The following SCHIP1 variants were observed in gnomAD, a reference collection of about 807,000 sequenced individuals.
The protein encoded by SCHIP1 is schwannomin interacting protein 1, also known as schwannomin-interacting protein 1.
In SCHIP1, 8 loss-of-function variants were observed where a neutral mutation model predicts 29.7. The observed-to-expected ratio is 0.27, with a 90% CI of 0.16 to 0.49. The LOEUF (loss-of-function observed/expected upper bound fraction) is 0.49. SCHIP1 is among the 20% of genes least tolerant of loss of function. The pLI is 0.99. For synonymous variants in SCHIP1, 76 were observed against 94.9 expected (o/e 0.80, Z 1.16); for missense variants, 193 against 294.6 (o/e 0.66, Z 2.52).
chr3:159,380,769 A>G, the SCHIP1 span, among the ~76,000 whole-genome samples: 3 of 152,278 alleles, frequency 2.0e-5, no homozygotes, highest in African/African-American at 7.2e-5. Context: ...AGATTTAGCA[A>G]CTTTTTCAGT....
chr3:159,373,788 TAC>T, the SCHIP1 span, among the ~76,000 whole-genome samples: 2 of 152,030 alleles, frequency 1.3e-5, no homozygotes, highest in African/African-American at 4.8e-5. Flanking sequence ...TATATGTATA[TAC>T]ACACACACAC....
the SCHIP1 span, among the ~76,000 whole-genome samples, chr3:159,356,761 C>T: frequency 2.0e-5 from 3 of 152,154 alleles, no homozygotes; most frequent in African/African-American, 7.2e-5. Flanking sequence ...TTGACTCATT[C>T]TTGTTTTCAC....
At chr3:159,713,222 G>GAGAGAGAAAGGAAGAAAGAA in the SCHIP1 span, among the ~76,000 whole-genome samples, 1 of 100,960 alleles carries the variant, frequency 9.9e-6, no homozygotes, top group African/African-American at 4.1e-5. Context: ...GAGAGAGAGA[G>GAGAGAGAAAGGAAGAAAGAA]AGAAAGAAAG....
At chr3:159,808,874 A>G in the SCHIP1 span, among the ~76,000 whole-genome samples, 8 of 152,090 alleles carry the variant, frequency 5.3e-5, no homozygotes, top group Non-Finnish European at 1.0e-4. Flanking sequence ...GGTGAATGGC[A>G]TGAACCTGGG....
chr3:159,540,407 G>C, the SCHIP1 span, among the ~76,000 whole-genome samples: 3 of 152,162 alleles, frequency 2.0e-5, no homozygotes, highest in South Asian at 6.2e-4. Context: ...AAAATTTGGA[G>C]CTGAAAACTA....
chr3:159,642,742 A>G, the SCHIP1 span, among the ~76,000 whole-genome samples: 1 of 152,114 alleles, frequency 6.6e-6, no homozygotes, highest in South Asian at 2.1e-4. Context: ...CAGATTGTGA[A>G]GCCAATAGGA....
At chr3:159,520,213 A>G in the SCHIP1 span, among the ~76,000 whole-genome samples, 1 of 152,138 alleles carries the variant, frequency 6.6e-6, no homozygotes, top group Non-Finnish European at 1.5e-5. Flanking sequence ...AGAACCTGAC[A>G]CTGCATGGAG....
chr3:159,657,029 C>T, the SCHIP1 span, among the ~76,000 whole-genome samples: 8 of 152,154 alleles, frequency 5.3e-5, no homozygotes, highest in Non-Finnish European at 7.3e-5. Context: ...CTCATGCATA[C>T]TGCCAATCTC....
the SCHIP1 span, among the ~76,000 whole-genome samples, chr3:159,794,542 A>AC: frequency 3.3e-5 from 5 of 151,636 alleles, no homozygotes; most frequent in African/African-American, 1.2e-4. Context: ...TGTGTGTTAG[A>AC]CCCCCCTACA....
the SCHIP1 span, among the ~76,000 whole-genome samples, chr3:159,692,516 G>T: frequency 6.6e-6 from 1 of 151,806 alleles, no homozygotes; most frequent in Non-Finnish European, 1.5e-5. Flanking sequence ...CAATCAATTC[G>T]GCTATTGATA....
exon 1 of SCHIP1, chr3:159,840,067 G>C: frequency 6.6e-7 from 1 of 1,507,530 alleles, no homozygotes. Context: ...TTTAATCTGC[G>C]GGGAGCCCCT....
the SCHIP1 span, among the ~76,000 whole-genome samples, chr3:159,714,073 T>C: frequency 6.6e-6 from 1 of 151,916 alleles, no homozygotes; most frequent in Admixed American, 6.6e-5. Context: ...CCTGTCTCTA[T>C]TAAAAATACA....
the SCHIP1 span, among the ~76,000 whole-genome samples, chr3:159,750,122 A>G: frequency 6.6e-6 from 1 of 151,830 alleles, no homozygotes; most frequent in Non-Finnish European, 1.5e-5. Context: ...CCTTATATTC[A>G]TAAACAGTAT....
the SCHIP1 span, among the ~76,000 whole-genome samples, chr3:159,370,094 A>G: frequency 6.6e-6 from 1 of 152,170 alleles, no homozygotes; most frequent in Non-Finnish European, 1.5e-5. Context: ...AAATGAATGT[A>G]ATCTTGTTAA....
chr3:159,323,381 T>C, the SCHIP1 span, among the ~76,000 whole-genome samples: 1 of 152,230 alleles, frequency 6.6e-6, no homozygotes, highest in South Asian at 2.1e-4. Context: ...TAGAGATATG[T>C]AGGCATCTAT....
the SCHIP1 span, among the ~76,000 whole-genome samples, chr3:159,711,803 TC>T: frequency 6.6e-6 from 1 of 152,194 alleles, no homozygotes; most frequent in Admixed American, 6.5e-5. Context: ...AGGCCAGGCC[TC>T]CAGGACTTGC....
the SCHIP1 span, among the ~76,000 whole-genome samples, chr3:159,572,057 T>C: frequency 6.6e-6 from 1 of 152,246 alleles, no homozygotes; most frequent in Non-Finnish European, 1.5e-5. Flanking sequence ...GTCAATTTTG[T>C]TGATCTTTTC....
chr3:159,575,182 C>T, the SCHIP1 span, among the ~76,000 whole-genome samples: 5 of 152,190 alleles, frequency 3.3e-5, no homozygotes, highest in Non-Finnish European at 7.3e-5. Context: ...CCGTCTTCTT[C>T]GTCAATCACG....
At chr3:159,750,314 C>T in the SCHIP1 span, among the ~76,000 whole-genome samples, 576 of 148,932 alleles carry the variant, frequency 3.9e-3, 9 homozygotes, top group East Asian at 0.019. Flanking sequence ...CACACACACA[C>T]ACACACGTAT....
Sources: gnomAD v4.1 joint callset for allele counts (sites outside exome capture counted in the v4.1 genomes callset) on GRCh38, gnomAD v4.1.1 for gene constraint, MANE v1.5 for transcripts, NCBI Gene and HGNC (gene_info 2026-07-23, HGNC 2026-07-21) for gene names.